DOCK4: variants seen among roughly 807,000 people sequenced by gnomAD.
The protein encoded by DOCK4 is dedicator of cytokinesis 4.
A neutral mutation model predicts 268.1 loss-of-function variants in DOCK4; 97 were observed. That is an observed-to-expected ratio of 0.36 (90% CI 0.31 to 0.43). The LOEUF is 0.43. Among genes scored for constraint, DOCK4 ranks in the 20% least tolerant of loss-of-function variants. The pLI is 1.00. For synonymous variants in DOCK4, 954 were observed against 887.2 expected (o/e 1.08, Z -1.34); for missense variants, 2,145 against 2,455.7 (o/e 0.87, Z 2.67).
At chr7:111,961,503 G>T (rs1034233148) in intron 8 of DOCK4, among the ~76,000 whole-genome samples, 2 of 152,156 alleles carry the variant, frequency 1.3e-5, no homozygotes, top group African/African-American at 4.8e-5. Context: ...TCACCTTTGG[G>T]AGGATAAACC....
chr7:112,021,563 G>A (rs1184541349), intron 1 of DOCK4, among the ~76,000 whole-genome samples: 2 of 152,184 alleles, frequency 1.3e-5, no homozygotes, highest in East Asian at 3.8e-4. Context: ...AGATGGGTCC[G>A]CTCCATGAAT....
intron 8 of DOCK4, 147 bp from the exon 9 acceptor site, chr7:111,945,945 C>T (rs890380808): frequency 1.6e-5 from 10 of 615,124 alleles, no homozygotes; most frequent in African/African-American, 1.1e-4. Context: ...TAGGAGAGCT[C>T]CGAAGACAAC....
At chr7:112,147,718 T>C (rs958038315) in intron 1 of DOCK4, among the ~76,000 whole-genome samples, 3 of 151,208 alleles carry the variant, frequency 2.0e-5, no homozygotes, top group East Asian at 3.9e-4. Context: ...ACCTCCGTAC[T>C]GAATTCAAGT....
intron 1 of DOCK4, among the ~76,000 whole-genome samples, chr7:112,034,500 C>T (rs1268589587): frequency 6.6e-6 from 1 of 152,192 alleles, no homozygotes; most frequent in Admixed American, 6.5e-5. Context: ...TGAGACTAGA[C>T]TCTTGTATGT....
At chr7:111,988,943 T>C in intron 6 of DOCK4, 72 bp downstream of exon 6, 5 of 1,528,112 alleles carry the variant, frequency 3.3e-6, no homozygotes, top group Non-Finnish European at 4.4e-6. Context: ...CATTACCACG[T>C]TCTGGCTCAG....
intron 3 of DOCK4, among the ~76,000 whole-genome samples, chr7:111,999,112 T>C (rs1168057094): frequency 6.6e-6 from 1 of 152,090 alleles, no homozygotes; most frequent in Non-Finnish European, 1.5e-5. Flanking sequence ...GGCAAGGAAA[T>C]TGTTTCTTTG....
intron 1 of DOCK4, among the ~76,000 whole-genome samples, chr7:112,019,585 G>A (rs1170135460): frequency 6.6e-6 from 1 of 152,048 alleles, no homozygotes; most frequent in African/African-American, 2.4e-5. Flanking sequence ...ACTGACCATA[G>A]GCCATCAAGA....
At chr7:112,066,717 A>C (rs1337962583) in intron 1 of DOCK4, among the ~76,000 whole-genome samples, 9 of 88,814 alleles carry the variant, frequency 1.0e-4, no homozygotes, top group African/African-American at 4.3e-4. Context: ...ATATATATAT[A>C]TATATATATA....
At chr7:112,025,807 T>A (rs1226459632) in intron 1 of DOCK4, among the ~76,000 whole-genome samples, 2 of 152,192 alleles carry the variant, frequency 1.3e-5, no homozygotes, top group African/African-American at 2.4e-5. Flanking sequence ...AGGTTGCTCA[T>A]GTGTTTCCTT....
chr7:111,886,747 C>T (rs1350107740), intron 16 of DOCK4, among the ~76,000 whole-genome samples: 3 of 152,062 alleles, frequency 2.0e-5, no homozygotes, highest in Non-Finnish European at 2.9e-5. Context: ...AAATGACATT[C>T]GTGGGAAAAG....
At chr7:112,103,914 G>A (rs546461158) in intron 1 of DOCK4, among the ~76,000 whole-genome samples, 2 of 152,070 alleles carry the variant, frequency 1.3e-5, no homozygotes, top group Non-Finnish European at 2.9e-5. Context: ...ATAAACTAAT[G>A]AGTGTTCTTT....
intron 44 of DOCK4, among the ~76,000 whole-genome samples, chr7:111,742,409 A>G (rs896873518): frequency 6.6e-6 from 1 of 152,192 alleles, no homozygotes; most frequent in Non-Finnish European, 1.5e-5. Context: ...TTTTAGATCT[A>G]TAATTATAAT....
intron 42 of DOCK4, among the ~76,000 whole-genome samples, chr7:111,753,014 G>GGGGT (rs903284319): frequency 1.5e-5 from 2 of 137,188 alleles, no homozygotes; most frequent in South Asian, 5.6e-4. Flanking sequence ...TTGGGGGGGG[G>GGGGT]GTCTGTGATT....
At chr7:112,133,317 C>T (rs1813985442) in intron 1 of DOCK4, among the ~76,000 whole-genome samples, 1 of 152,180 alleles carries the variant, frequency 6.6e-6, no homozygotes. Flanking sequence ...TACTGTTCCA[C>T]TCCACAAATG....
At chr7:111,976,331 T>C (rs1798209530) in intron 8 of DOCK4, among the ~76,000 whole-genome samples, 1 of 114,160 alleles carries the variant, frequency 8.8e-6, no homozygotes, top group South Asian at 3.2e-4. Flanking sequence ...GACTCGGTAT[T>C]GCCTAAAATT....
chr7:111,752,466 A>G (rs1796724602), intron 42 of DOCK4, among the ~76,000 whole-genome samples: 2 of 152,044 alleles, frequency 1.3e-5, no homozygotes, highest in African/African-American at 4.8e-5. Context: ...TCTGATGGGC[A>G]GGATGTGGTA....
At chr7:111,850,328 G>A (rs12538442) in intron 23 of DOCK4, among the ~76,000 whole-genome samples, 29,853 of 151,088 alleles carry the variant, frequency 0.2, 3,655 homozygotes, top group African/African-American at 0.35. Context: ...CCTTATCTTT[G>A]ATGTTTCCTG....
intron 27 of DOCK4, among the ~76,000 whole-genome samples, chr7:111,816,787 T>C (rs1474352524): frequency 6.6e-6 from 1 of 152,240 alleles, no homozygotes; most frequent in Non-Finnish European, 1.5e-5. Context: ...CTCTAAAATG[T>C]GAAGCTTATA....
intron 24 of DOCK4, 135 bp from the exon 25 acceptor site, chr7:111,845,032 T>C (rs1461466798): frequency 8.1e-7 from 1 of 1,240,664 alleles, no homozygotes; most frequent in East Asian, 2.4e-5. Flanking sequence ...CCTTTTACAG[T>C]AAACAAAGGC....
Sources: gnomAD v4.1 joint callset for allele counts (sites outside exome capture counted in the v4.1 genomes callset) on GRCh38, gnomAD v4.1.1 for gene constraint, MANE v1.5 for transcripts, NCBI Gene and HGNC (gene_info 2026-07-23, HGNC 2026-07-21) for gene names.